The following DOCK4 variants were observed in gnomAD, a reference collection of about 807,000 sequenced individuals.
The protein encoded by DOCK4 is dedicator of cytokinesis protein 4.
A neutral mutation model predicts 268.1 loss-of-function variants in DOCK4; 97 were observed. The ratio of observed to expected loss-of-function variants is 0.36; its 90% CI spans 0.31 to 0.43. DOCK4 has a LOEUF of 0.43. DOCK4 is among the 20% of genes least tolerant of loss of function. The pLI, the probability that DOCK4 is intolerant of heterozygous loss-of-function variation, is 1.00. For missense variants in DOCK4, 2,145 were observed against 2,455.7 expected, an observed-to-expected ratio of 0.87 and a Z score of 2.67; for synonymous variants, 954 against 887.2, an observed-to-expected ratio of 1.08 and a Z score of -1.34.
intron 8 of DOCK4, among the ~76,000 whole-genome samples, chr7:111,952,829 A>C (rs780288853): frequency 3.3e-5 from 5 of 152,220 alleles, no homozygotes; most frequent in Non-Finnish European, 7.3e-5. Context: ...TAATTGGAAA[A>C]ACAACTGTCA....
At chr7:111,759,019 A>G (rs1797217451) in intron 40 of DOCK4, among the ~76,000 whole-genome samples, 1 of 151,784 alleles carries the variant, frequency 6.6e-6, no homozygotes, top group Non-Finnish European at 1.5e-5. Flanking sequence ...TCAGCTTGAA[A>G]TTTCCATGAC....
intron 17 of DOCK4, among the ~76,000 whole-genome samples, 173 bp from the exon 18 acceptor site, chr7:111,872,737 C>CA (rs1806526464): frequency 6.6e-6 from 1 of 152,190 alleles, no homozygotes; most frequent in East Asian, 1.9e-4. Flanking sequence ...GCATTTATTT[C>CA]ACTGTATTCT....
At chr7:112,065,295 C>A (rs531957317) in intron 1 of DOCK4, among the ~76,000 whole-genome samples, 1 of 152,110 alleles carries the variant, frequency 6.6e-6, no homozygotes, top group Non-Finnish European at 1.5e-5. Context: ...CAGCTGGAAG[C>A]CTCTTTTCCA....
chr7:112,127,415 T>C (rs1024414272), intron 1 of DOCK4, among the ~76,000 whole-genome samples: 2 of 57,278 alleles, frequency 3.5e-5, no homozygotes, highest in African/African-American at 1.5e-4. Context: ...TGTTGTGGGG[T>C]GGGGGGAGGG....
intron 21 of DOCK4, among the ~76,000 whole-genome samples, chr7:111,869,129 A>T (rs1806215832): frequency 6.6e-6 from 1 of 152,162 alleles, no homozygotes; most frequent in Non-Finnish European, 1.5e-5. Context: ...GTTAAGCCAC[A>T]AGACCCGGTA....
intron 8 of DOCK4, among the ~76,000 whole-genome samples, chr7:111,949,057 A>C (rs1050211203): frequency 2.6e-5 from 4 of 152,210 alleles, no homozygotes; most frequent in Non-Finnish European, 5.9e-5. Flanking sequence ...GTAATCAGTT[A>C]CCTACTAATG....
intron 1 of DOCK4, among the ~76,000 whole-genome samples, chr7:112,169,040 C>G (rs1282340895): frequency 1.3e-5 from 2 of 152,176 alleles, no homozygotes; most frequent in Admixed American, 1.3e-4. Flanking sequence ...TGGAGGAGGG[C>G]CCTAGTGGGA....
At chr7:111,958,354 A>G (rs1371487633) in intron 8 of DOCK4, among the ~76,000 whole-genome samples, 1 of 152,178 alleles carries the variant, frequency 6.6e-6, no homozygotes, top group South Asian at 2.1e-4. Flanking sequence ...TTGAATACCA[A>G]AGAAGTCCTT....
At chr7:111,993,445 C>T (rs1043385663) in intron 5 of DOCK4, among the ~76,000 whole-genome samples, 1 of 152,216 alleles carries the variant, frequency 6.6e-6, no homozygotes, top group Non-Finnish European at 1.5e-5. Flanking sequence ...ACCAGAACCC[C>T]AGCTCAGCCA....
chr7:112,084,504 A>G (rs182172334), intron 1 of DOCK4, among the ~76,000 whole-genome samples: 15 of 152,314 alleles, frequency 9.8e-5, no homozygotes, highest in African/African-American at 3.6e-4. Flanking sequence ...TTCTTTAAAT[A>G]AAGTCTGCTT....
intron 45 of DOCK4, 37 bp downstream of exon 45, chr7:111,741,976 T>G (rs775778762): frequency 6.6e-7 from 1 of 1,525,500 alleles, no homozygotes; most frequent in Admixed American, 2.2e-5. Flanking sequence ...ACGGCAGTGA[T>G]CAGGCTGCCC....
chr7:111,742,135 T>C lies in DOCK4; in HGVS notation c.4678-3A>G. 6.3e-7 allele frequency: 1 copy of C among 1,589,254 alleles called. No individual in the cohort carries two copies. Among genetic ancestry groups the C allele is most frequent in the Non-Finnish European group, 8.5e-7 (1 of 1,169,964 alleles). ...AAACCAAATTCCAGAATCTGTGCCTTAATTCACAACATAAGGAAAAAACCT... is the reference window on the plus strand; with the variant it reads ...AAACCAAATTCCAGAATCTGTGCCTCAATTCACAACATAAGGAAAAAACCT... On this transcript the variant is annotated splice_polypyrimidine_tract_variant and splice_region_variant and intron_variant, in intron 44 of 52. Coordinates refer to ENST00000428084, the MANE Select transcript of DOCK4 (RefSeq NM_001363540.2).
intron 7 of DOCK4, among the ~76,000 whole-genome samples, chr7:111,979,220 G>A (rs755793875): frequency 6.6e-6 from 1 of 152,112 alleles, no homozygotes; most frequent in Non-Finnish European, 1.5e-5. Flanking sequence ...CTTTTATTCC[G>A]AACTACTTGA....
chr7:112,148,393 T>C (rs1261989105), intron 1 of DOCK4, among the ~76,000 whole-genome samples: 1 of 152,106 alleles, frequency 6.6e-6, no homozygotes, highest in African/African-American at 2.4e-5. Context: ...CTGGTCAGAA[T>C]AATGTTTTTA....
intron 1 of DOCK4, among the ~76,000 whole-genome samples, chr7:112,152,232 G>C (rs1563136094): frequency 6.6e-6 from 1 of 152,154 alleles, no homozygotes; most frequent in African/African-American, 2.4e-5. Context: ...ACCATTCCAT[G>C]ACAGAGAGTA....
At chr7:111,728,777 T>A in intron 52 of DOCK4, 57 bp from the exon 53 acceptor site, 1 of 1,494,136 alleles carries the variant, frequency 6.7e-7, no homozygotes, top group Non-Finnish European at 9.0e-7. Context: ...TGAACGCAGA[T>A]GCGCTGAAAT....
intron 8 of DOCK4, among the ~76,000 whole-genome samples, chr7:111,952,778 A>G (rs1464678987): frequency 6.6e-6 from 1 of 152,250 alleles, no homozygotes; most frequent in African/African-American, 2.4e-5. Context: ...GAAGAACAAT[A>G]ACAACAGAGA....
rs147883424 is a variant in DOCK4, at chr7:112,122,728, T to C, written c.37+83374A>G. 9.8e-5 allele frequency among the ~76,000 whole-genome samples: 15 copies of C among 152,402 alleles called. No homozygotes were observed. The East Asian group carries it at 2.7e-3, about 27-fold the overall frequency. The stretch of plus-strand genomic sequence containing the variant: ...TTTTGTTGTATGCTTATGTGCTATA[T>C]ACTTTATCTTCTATGTTGTTATAAA... On this transcript the variant is annotated intron_variant, in intron 1 of 52. Transcript: ENST00000428084.
At chr7:112,144,357 G>C (rs1815230425) in intron 1 of DOCK4, among the ~76,000 whole-genome samples, 1 of 152,228 alleles carries the variant, frequency 6.6e-6, no homozygotes, top group Non-Finnish European at 1.5e-5. Flanking sequence ...GGAATAAACA[G>C]ACTCAGCAGC....
Sources: allele counts gnomAD v4.1 joint callset (sites outside exome capture counted in the v4.1 genomes callset), GRCh38; gene constraint gnomAD v4.1.1; transcripts MANE v1.5; gene names NCBI Gene and HGNC (gene_info 2026-07-23, HGNC 2026-07-21).